Variants in POTEF observed in about 807,000 individuals in gnomAD.
POTEF encodes POTE ankyrin domain family member F, also known as ANKRD26-like family C member 1B.
A neutral mutation model predicts 83.2 loss-of-function variants in POTEF; 20 were observed. That is an observed-to-expected ratio of 0.24 (90% CI 0.17 to 0.35). The LOEUF is 0.35. Ranked by LOEUF, POTEF falls within the 10% of genes least tolerant of loss-of-function variation. The pLI, the probability that POTEF is intolerant of heterozygous loss-of-function variation, is 1.00. For synonymous variants in POTEF, 196 were observed against 446.4 expected (o/e 0.44, Z 7.07); for missense variants, 550 against 1,203.2 (o/e 0.46, Z 8.03).
intron 2 of POTEF, among the ~76,000 whole-genome samples, chr2:130,123,102 TG>T (rs1462095052): frequency 7.3e-6 from 1 of 136,298 alleles, no homozygotes; most frequent in African/African-American, 2.8e-5. Context: ...CTCGAAAACA[TG>T]GACATTTATC....
intron 3 of POTEF, among the ~76,000 whole-genome samples, chr2:130,118,658 T>C (rs1019771902): frequency 2.0e-5 from 3 of 150,520 alleles, no homozygotes; most frequent in African/African-American, 7.4e-5. Context: ...ATCGCACTAC[T>C]GCACTCCAGC....
At chr2:130,075,854 T>C (rs1282900395) in intron 16 of POTEF, among the ~76,000 whole-genome samples, 3 of 150,152 alleles carry the variant, frequency 2.0e-5, no homozygotes, top group South Asian at 2.1e-4. Flanking sequence ...AATAAATCAC[T>C]AGAGGATTTT....
At chr2:130,115,646 A>C (rs531939850) in intron 3 of POTEF, among the ~76,000 whole-genome samples, 1 of 152,302 alleles carries the variant, frequency 6.6e-6, no homozygotes, top group Non-Finnish European at 1.5e-5. Flanking sequence ...ATAAAATAGG[A>C]ATGAAAATAG....
intron 8 of POTEF, among the ~76,000 whole-genome samples, chr2:130,104,867 G>A (rs569899572): frequency 6.6e-6 from 1 of 151,230 alleles, no homozygotes; most frequent in African/African-American, 2.5e-5. Context: ...TCTTATTAGT[G>A]AGAGTCAAAC....
At chr2:130,094,743 G>A (rs1268069500) in intron 11 of POTEF, among the ~76,000 whole-genome samples, 3 of 39,618 alleles carry the variant, frequency 7.6e-5, no homozygotes, top group Non-Finnish European at 1.5e-4. Flanking sequence ...AACTGAGATC[G>A]CGCCACTGCA....
At chr2:130,111,974 G>T (rs1218296607) in intron 6 of POTEF, 21 bp downstream of exon 6, 3 of 1,578,810 alleles carry the variant, frequency 1.9e-6, no homozygotes, top group South Asian at 2.3e-5. Context: ...ACAACACACA[G>T]ATTAAAAGAA....
chr2:130,128,119 C>T (rs1405223641), intron 1 of POTEF, among the ~76,000 whole-genome samples: 2 of 147,998 alleles, frequency 1.4e-5, no homozygotes, highest in African/African-American at 5.2e-5. Flanking sequence ...GTAGGAGAAA[C>T]TCAGACCCAG....
chr2:130,119,229 T>C (rs543350039), intron 3 of POTEF, among the ~76,000 whole-genome samples: 1 of 151,544 alleles, frequency 6.6e-6, no homozygotes, highest in South Asian at 2.1e-4. Context: ...AGTGGCACTA[T>C]CTCGGCTCAC....
At chr2:130,104,095 G>C (rs1025305464) in intron 8 of POTEF, among the ~76,000 whole-genome samples, 1 of 150,254 alleles carries the variant, frequency 6.7e-6, no homozygotes, top group South Asian at 2.1e-4. Context: ...TTAAGACAAG[G>C]TGACAGATAG....
intron 3 of POTEF, among the ~76,000 whole-genome samples, chr2:130,117,926 AT>A (rs1411988042): frequency 2.5e-4 from 37 of 145,634 alleles, no homozygotes; most frequent in Non-Finnish European, 4.6e-4. Flanking sequence ...AAAAAACAGT[AT>A]TTCATTCCTT....
rs756333464 is a variant in POTEF at position 130,108,012 on chromosome 2, G to C, written c.1123C>G (p.Pro375Ala). 4 of 1,607,792 alleles carry C rather than the reference G, an allele frequency of 2.5e-6. No individual in the cohort carries two copies. Among genetic ancestry groups the C allele is most frequent in the South Asian group, 1.1e-5 (1 of 90,090 alleles). ...AATTCACTATCACAAGTCTTACCTGGATTGCTGTTTTCAGAAGAGATTTTT... is the reference window on the plus strand; with the variant it reads ...AATTCACTATCACAAGTCTTACCTGCATTGCTGTTTTCAGAAGAGATTTTT... ...MLKISSENSN[P>A]EQDLKLTSEE... The change falls in exon 8 of 17, where the codon CCA (proline) becomes GCA (alanine). Residue 375 changes from proline to alanine, a missense_variant. Physicochemically the swap from Pro to Ala is conservative, Grantham distance 27 (BLOSUM62 -1). Coordinates refer to ENST00000409914, the MANE Select transcript of POTEF (RefSeq NM_001099771.2).
At chr2:130,105,482 C>A (rs575706695) in intron 8 of POTEF, among the ~76,000 whole-genome samples, 5 of 151,820 alleles carry the variant, frequency 3.3e-5, no homozygotes, top group African/African-American at 7.3e-5. Flanking sequence ...TGGTAAAGAA[C>A]CTTCCATCAA....
Position 130,075,469 on chromosome 2 carries a change from T to G in POTEF, c.2003A>C (p.Gln668Pro). ...ATATTTCTTTTCTCTTAGCTGGCTC[T>G]GATGTTTCATTGTGTCTAGCTCCAG... ...LRLELDTMKH[Q>P]SQLREKKYLE... Residue 668 changes from glutamine (Q) to proline (P), a missense_variant, in exon 17 of 17, where the codon CAG becomes CCG. Transcript: ENST00000409914. 4.3e-6 allele frequency: 7 copies of G among 1,611,432 alleles called. No homozygotes were observed. Among genetic ancestry groups the G allele is most frequent in the African/African-American group, 1.3e-5 (1 of 74,750 alleles).
rs879210597 is a variant in POTEF, at chr2:130,074,967, G to A, written c.2505C>T (p.Ala835=). The A allele has an allele frequency of 5.0e-6, 8 of 1,612,116 alleles. No homozygotes were observed. The highest frequency in any genetic ancestry group is 4.0e-5 in the African/African-American group (3 of 74,196). The part of the protein sequence containing the change: ...ETFNTPAMYV[A]IQAVLSLYTS... Reference sequence around the variant, plus strand: ...TGTACAGGGACAGCACAGCCTGGATGGCCACGTACATGGCTGGGGTGTTGA... The same window carrying A: ...TGTACAGGGACAGCACAGCCTGGATAGCCACGTACATGGCTGGGGTGTTGA... The change falls in exon 17 of 17, where the codon GCC becomes GCT. Residue 835 remains alanine (A), a synonymous_variant. Coordinates refer to ENST00000409914, the MANE Select transcript of POTEF (RefSeq NM_001099771.2).
intron 2 of POTEF, among the ~76,000 whole-genome samples, chr2:130,126,108 A>T (rs536398309): frequency 2.2e-3 from 332 of 150,038 alleles, no homozygotes; most frequent in Non-Finnish European, 4.2e-3. Flanking sequence ...GTTCAAGACC[A>T]GCCTGACCAA....
chr2:130,105,414 A>G (rs1412690748), intron 8 of POTEF, among the ~76,000 whole-genome samples: 3 of 151,676 alleles, frequency 2.0e-5, no homozygotes, highest in Admixed American at 1.3e-4. Flanking sequence ...AGGATGTATG[A>G]CAAGGAAACT....
chr2:130,108,210 A>G, intron 7 of POTEF, 131 bp from the exon 8 acceptor site: 1 of 1,395,256 alleles, frequency 7.2e-7, no homozygotes. Context: ...TATCCCACCC[A>G]CTTGTGAGTA....
In POTEF at chr2:130,119,402, A is replaced by G. The variant is rs71240811; in HGVS notation, c.521+593T>C. 1.7e-3 allele frequency among the ~76,000 whole-genome samples: 255 copies of G among 151,958 alleles called. 2 individuals carry two copies. Among genetic ancestry groups the G allele is most frequent in the African/African-American group, 2.3e-3 (96 of 41,306 alleles). On this transcript the variant is annotated intron_variant, in intron 3 of 16. Coordinates refer to ENST00000409914, the MANE Select transcript of POTEF (RefSeq NM_001099771.2). The stretch of plus-strand genomic sequence containing the variant: ...AGGATGGTCTCAATCTCCTGACCTC[A>G]TGATCCGCCCGCCTCCCAAAGTGCT...
In POTEF at chr2:130,120,148, T is replaced by C. The variant is rs370674105; in HGVS notation, c.368A>G (p.Tyr123Cys). 1 of 1,610,010 alleles carries C rather than the reference T, an allele frequency of 6.2e-7. No individual in the cohort carries two copies. The highest frequency in any genetic ancestry group is 8.5e-7 in the Non-Finnish European group (1 of 1,179,564). The part of the protein sequence containing the change: ...SKSKVGAWGD[Y>C]DDSAFMEPRY... Reference sequence around the variant, plus strand: ...GGGCTCCATGAAGGCACTGTCATCGTAGTCTCCCCAAGCGCCCACCTTGCT... The same window carrying C: ...GGGCTCCATGAAGGCACTGTCATCGCAGTCTCCCCAAGCGCCCACCTTGCT... Residue 123 changes from tyrosine to cysteine, a missense_variant, in exon 3 of 17, where the codon TAC becomes TGC. Physicochemically the swap from Tyr to Cys is radical, Grantham distance 194. Transcript: ENST00000409914.
Sources: allele counts gnomAD v4.1 joint callset (sites outside exome capture counted in the v4.1 genomes callset), GRCh38; gene constraint gnomAD v4.1.1; transcripts MANE v1.5; gene names NCBI Gene and HGNC (gene_info 2026-07-23, HGNC 2026-07-21).